Variants in FHIT observed in about 807,000 individuals in gnomAD.
The protein encoded by FHIT is bis(5'-adenosyl)-triphosphatase.
A neutral mutation model predicts 17.9 loss-of-function variants in FHIT; 19 were observed. That is an observed-to-expected ratio of 1.06 (90% CI 0.74 to 1.56). The LOEUF (loss-of-function observed/expected upper bound fraction) is 1.56, where lower values mean the gene tolerates loss of function less well. Among genes scored for constraint, FHIT ranks in the 40% most tolerant of loss-of-function variants. The pLI is 0.00. For missense variants in FHIT, 248 were observed against 189.2 expected, an observed-to-expected ratio of 1.31 and a Z score of -1.82; for synonymous variants, 81 against 69.7, an observed-to-expected ratio of 1.16 and a Z score of -0.81.
At chr3:60,837,174 A>G (rs1444626219) in intron 3 of FHIT, among the ~76,000 whole-genome samples, 1 of 152,178 alleles carries the variant, frequency 6.6e-6, no homozygotes, top group Non-Finnish European at 1.5e-5. Flanking sequence ...GTATATACTT[A>G]GACAAATGTG....
intron 5 of FHIT, among the ~76,000 whole-genome samples, chr3:60,473,991 A>G (rs778021712): frequency 6.6e-6 from 1 of 152,098 alleles, no homozygotes. Context: ...TGGGGGAAAG[A>G]CACATTATTT....
chr3:60,521,401 C>A (rs1315284478), intron 5 of FHIT, among the ~76,000 whole-genome samples: 2 of 152,040 alleles, frequency 1.3e-5, no homozygotes, highest in African/African-American at 4.8e-5. Flanking sequence ...GCGCCCGCCA[C>A]CACACCCAGC....
At chr3:60,167,744 A>T (rs568642414) in intron 5 of FHIT, among the ~76,000 whole-genome samples, 2 of 152,346 alleles carry the variant, frequency 1.3e-5, no homozygotes, top group South Asian at 2.1e-4. Context: ...GTAAAAAATT[A>T]AAATTTGTGG....
At chr3:60,625,295 G>A (rs1431641524) in intron 4 of FHIT, among the ~76,000 whole-genome samples, 1 of 152,152 alleles carries the variant, frequency 6.6e-6, no homozygotes, top group Non-Finnish European at 1.5e-5. Context: ...TTTCTCTTGG[G>A]TATATATCTA....
At chr3:60,178,989 A>G (rs1432052790) in intron 5 of FHIT, among the ~76,000 whole-genome samples, 1 of 152,188 alleles carries the variant, frequency 6.6e-6, no homozygotes, top group Admixed American at 6.5e-5. Context: ...ATATACTTCA[A>G]GAAATACTGA....
chr3:60,178,544 C>A (rs1159418660), intron 5 of FHIT, among the ~76,000 whole-genome samples: 1 of 152,042 alleles, frequency 6.6e-6, no homozygotes. Context: ...CAAGATCATA[C>A]CACTGCACTC....
Position 60,863,297 on chromosome 3 carries a change from T to C in FHIT, c.-110-41286A>G, listed in dbSNP as rs573115196. On this transcript the variant is annotated intron_variant, in intron 3 of 9. Coordinates refer to ENST00000492590, the MANE Select transcript of FHIT (RefSeq NM_002012.4). ...AATTCTGTCAATAACCTGAACGAGT[T>C]TGGAAGTTGGTTTTTCTGCAGTCTC... Among the ~76,000 whole-genome samples the C allele has an allele frequency of 2.0e-4, 31 of 152,184 alleles. No individual in the cohort carries two copies. The South Asian group carries it at 6.4e-3, about 32-fold the overall frequency.
intron 2 of FHIT, among the ~76,000 whole-genome samples, chr3:61,083,247 G>A (rs1185499507): frequency 6.6e-6 from 1 of 152,176 alleles, no homozygotes; most frequent in Non-Finnish European, 1.5e-5. Flanking sequence ...TATCCACAGA[G>A]TTGTGTAACA....
chr3:59,887,301 G>C (rs951684074), intron 8 of FHIT, among the ~76,000 whole-genome samples: 9 of 152,182 alleles, frequency 5.9e-5, no homozygotes, highest in African/African-American at 1.9e-4. Flanking sequence ...GCTGGAGTCT[G>C]AGCACCATCT....
intron 3 of FHIT, among the ~76,000 whole-genome samples, chr3:60,950,035 C>T (rs1466054605): frequency 6.6e-6 from 1 of 152,208 alleles, no homozygotes; most frequent in East Asian, 1.9e-4. Flanking sequence ...AAAATTCCTA[C>T]TGCTTAGTGA....
Position 60,144,242 on chromosome 3 carries a change from G to C in FHIT, c.104-130090C>G, listed in dbSNP as rs146051576. ...AATGAAACTCATGAGCAAGGCTGGGGAGACCAACTAACAACTCTAATAACA... is the reference window on the plus strand; with the variant it reads ...AATGAAACTCATGAGCAAGGCTGGGCAGACCAACTAACAACTCTAATAACA... On this transcript the variant is annotated intron_variant, in intron 5 of 9. Transcript: ENST00000492590. 5.4e-3 allele frequency among the ~76,000 whole-genome samples: 830 copies of C among 152,316 alleles called. 8 individuals are homozygous for C. The highest frequency in any genetic ancestry group is 0.019 in the African/African-American group (790 of 41,588).
At chr3:60,024,306 C>T (rs1032411392) in intron 5 of FHIT, among the ~76,000 whole-genome samples, 1 of 152,156 alleles carries the variant, frequency 6.6e-6, no homozygotes, top group African/African-American at 2.4e-5. Context: ...TATGAATCAA[C>T]GTCTTTCTCT....
intron 5 of FHIT, among the ~76,000 whole-genome samples, chr3:60,081,168 G>A (rs1309315015): frequency 2.0e-5 from 3 of 152,090 alleles, no homozygotes; most frequent in Admixed American, 2.0e-4. Context: ...TCACCTGAGG[G>A]GGTTATTTAA....
intron 5 of FHIT, among the ~76,000 whole-genome samples, chr3:60,431,320 A>C (rs1469079032): frequency 6.6e-6 from 1 of 152,030 alleles, no homozygotes. Flanking sequence ...TTTAGTATTT[A>C]AGTTTTCTTT....
At chr3:59,948,998 GA>G (rs1430311473) in intron 7 of FHIT, among the ~76,000 whole-genome samples, 3 of 152,126 alleles carry the variant, frequency 2.0e-5, no homozygotes, top group African/African-American at 7.2e-5. Flanking sequence ...CCCAGGCAGT[GA>G]GCATAGGACC....
At chr3:60,207,727 T>C (rs941743540) in intron 5 of FHIT, among the ~76,000 whole-genome samples, 3 of 152,176 alleles carry the variant, frequency 2.0e-5, no homozygotes, top group Admixed American at 1.3e-4. Flanking sequence ...ATTGTTTCTA[T>C]AAAAAGGTCA....
At chr3:59,922,726 A>G (rs547009202) in intron 7 of FHIT, among the ~76,000 whole-genome samples, 1 of 152,330 alleles carries the variant, frequency 6.6e-6, no homozygotes, top group South Asian at 2.1e-4. Context: ...ATGACAGTGC[A>G]TCTTCAAAGG....
chr3:59,955,878 T>G (rs138047416), intron 7 of FHIT, among the ~76,000 whole-genome samples: 2 of 152,212 alleles, frequency 1.3e-5, no homozygotes, highest in Non-Finnish European at 2.9e-5. Context: ...ACTCCACTCC[T>G]GTATCTCCAC....
At chr3:60,681,402 C>T (rs1559636008) in intron 4 of FHIT, among the ~76,000 whole-genome samples, 1 of 152,086 alleles carries the variant, frequency 6.6e-6, no homozygotes, top group African/African-American at 2.4e-5. Context: ...CCCTGAGACA[C>T]AACAAATTGA....
Sources: gnomAD v4.1 joint callset for allele counts (sites outside exome capture counted in the v4.1 genomes callset) on GRCh38, gnomAD v4.1.1 for gene constraint, MANE v1.5 for transcripts, NCBI Gene and HGNC (gene_info 2026-07-23, HGNC 2026-07-21) for gene names.